SLIT3: variants seen among roughly 807,000 people sequenced by gnomAD.
SLIT3 encodes the protein slit homolog 3 protein.
SLIT3 carries 68 observed loss-of-function variants against 184.0 expected under a neutral mutation model. The ratio of observed to expected loss-of-function variants is 0.37; its 90% CI spans 0.30 to 0.45. SLIT3 has a LOEUF of 0.45. Among genes scored for constraint, SLIT3 ranks in the 20% least tolerant of loss-of-function variants. The pLI is 1.00. For synonymous variants in SLIT3, 831 were observed against 828.6 expected (o/e 1.00, Z -0.05); for missense variants, 1,707 against 2,026.0 (o/e 0.84, Z 3.02).
At chr5:169,156,332 T>C (rs868266970) in intron 4 of SLIT3, among the ~76,000 whole-genome samples, 18 of 152,208 alleles carry the variant, frequency 1.2e-4, no homozygotes, top group African/African-American at 4.3e-4. Flanking sequence ...CATGCACACG[T>C]GTACAGGGCC....
chr5:168,709,276 A>G (rs1762473974), intron 25 of SLIT3, among the ~76,000 whole-genome samples: 1 of 151,924 alleles, frequency 6.6e-6, no homozygotes, highest in South Asian at 2.1e-4. Context: ...TTGTATTTTT[A>G]GTAGAGATGG....
rs143784077 is a variant in SLIT3, at chr5:168,904,987, T to C, written c.414-21651A>G. Among the ~76,000 whole-genome samples, 752 of 152,036 alleles carry C rather than the reference T, an allele frequency of 4.9e-3. 33 individuals are homozygous for C. In the East Asian group the frequency reaches 0.099, roughly 20 times the overall value. On this transcript the variant is annotated intron_variant, in intron 4 of 35. Coordinates refer to ENST00000519560, the MANE Select transcript of SLIT3 (RefSeq NM_003062.4). Reference sequence around the variant, plus strand: ...TTTGAGACCAGCCTGGGCAACATAGTAAAACCCCATCTCTACTAAAATAAA... The same window carrying C: ...TTTGAGACCAGCCTGGGCAACATAGCAAAACCCCATCTCTACTAAAATAAA...
intron 9 of SLIT3, among the ~76,000 whole-genome samples, chr5:168,804,028 C>G (rs191157178): frequency 2.7e-5 from 4 of 150,474 alleles, no homozygotes; most frequent in African/African-American, 9.8e-5. Flanking sequence ...AAGGGGAGGG[C>G]GGGCACGGTG....
At chr5:169,041,090 C>T (rs1354553258) in intron 4 of SLIT3, among the ~76,000 whole-genome samples, 4 of 152,158 alleles carry the variant, frequency 2.6e-5, no homozygotes, top group African/African-American at 9.7e-5. Flanking sequence ...TATCATATGC[C>T]CAAACTCTGG....
chr5:169,167,498 G>T (rs868467227), intron 4 of SLIT3, among the ~76,000 whole-genome samples: 1 of 151,674 alleles, frequency 6.6e-6, no homozygotes, highest in South Asian at 2.1e-4. Context: ...GGATGGTCTC[G>T]ATCTCCTGAC....
intron 5 of SLIT3, among the ~76,000 whole-genome samples, chr5:168,858,805 C>T (rs1023267401): frequency 2.0e-5 from 3 of 152,230 alleles, no homozygotes; most frequent in Non-Finnish European, 4.4e-5. Flanking sequence ...TACTCACAGG[C>T]ATTCTTGGCA....
intron 28 of SLIT3, 53 bp downstream of exon 28, chr5:168,696,239 T>A: frequency 1.9e-6 from 3 of 1,604,098 alleles, no homozygotes; most frequent in Non-Finnish European, 2.6e-6. Context: ...AAGAAAATGG[T>A]ATTCTAGCGA....
chr5:169,202,193 C>T (rs1045361611), intron 3 of SLIT3, among the ~76,000 whole-genome samples: 7 of 152,102 alleles, frequency 4.6e-5, no homozygotes, highest in Non-Finnish European at 1.5e-5. Flanking sequence ...GATCATCCCA[C>T]TGCACTCCAG....
chr5:168,819,944 C>T (rs1757468243), intron 7 of SLIT3, among the ~76,000 whole-genome samples: 1 of 152,142 alleles, frequency 6.6e-6, no homozygotes, highest in Non-Finnish European at 1.5e-5. Flanking sequence ...CAGTGGAGTC[C>T]AGGGTGGTGA....
At chr5:169,186,208 T>A (rs1474085359) in intron 4 of SLIT3, among the ~76,000 whole-genome samples, 2 of 152,098 alleles carry the variant, frequency 1.3e-5, no homozygotes, top group Admixed American at 6.5e-5. Flanking sequence ...GCTATCAGGT[T>A]AAAATGAGGC....
intron 3 of SLIT3, among the ~76,000 whole-genome samples, chr5:169,218,971 T>G (rs1346284293): frequency 1.3e-5 from 2 of 152,234 alleles, no homozygotes; most frequent in African/African-American, 4.8e-5. Context: ...CAACAGTATG[T>G]GAACCAGATC....
chr5:168,939,050 G>A (rs368712712), intron 4 of SLIT3, among the ~76,000 whole-genome samples: 5 of 152,264 alleles, frequency 3.3e-5, no homozygotes, highest in South Asian at 2.1e-4. Flanking sequence ...TCTCATCACC[G>A]GGTACATAAA....
chr5:169,079,023 T>A (rs1758860056), intron 4 of SLIT3, among the ~76,000 whole-genome samples: 1 of 152,144 alleles, frequency 6.6e-6, no homozygotes, highest in East Asian at 1.9e-4. Context: ...GAAAAAAAAA[T>A]TGCTTCCTAA....
At chr5:168,948,902 T>C (rs1238656210) in intron 4 of SLIT3, among the ~76,000 whole-genome samples, 2 of 152,190 alleles carry the variant, frequency 1.3e-5, no homozygotes, top group Non-Finnish European at 2.9e-5. Flanking sequence ...TTTCTGGTCA[T>C]CTGCTGAGTC....
At chr5:169,166,096 C>G (rs1305638148) in intron 4 of SLIT3, among the ~76,000 whole-genome samples, 1 of 152,122 alleles carries the variant, frequency 6.6e-6, no homozygotes, top group Non-Finnish European at 1.5e-5. Context: ...GGATTTGACT[C>G]CAGAAACCAA....
Position 169,033,908 on chromosome 5 carries a change from G to A in SLIT3, c.414-150572C>T, listed in dbSNP as rs1757136485. ...GCTCACTGCAACCTCCACCTCCCGG[G>A]TTCAAGTGATTCTCCTGCCTCAGCC... is the stretch of plus-strand genomic sequence containing the variant. On this transcript the variant is annotated intron_variant, in intron 4 of 35. Transcript: ENST00000519560. Among the ~76,000 whole-genome samples the A allele has an allele frequency of 1.3e-5, 2 of 151,518 alleles. 1 individual carries two copies. Among genetic ancestry groups the A allele is most frequent in the Middle Eastern group, 6.8e-3 (2 of 294 alleles).
At chr5:169,017,012 G>A (rs887316045) in intron 4 of SLIT3, among the ~76,000 whole-genome samples, 5 of 152,106 alleles carry the variant, frequency 3.3e-5, no homozygotes, top group Admixed American at 6.6e-5. Flanking sequence ...GCTCCATACT[G>A]TGCTGTTCCT....
chr5:168,966,700 C>G lies in SLIT3; in HGVS notation c.414-83364G>C, dbSNP rs141743589. Among the ~76,000 whole-genome samples the G allele has an allele frequency of 5.3e-5, 8 of 152,282 alleles. No homozygotes were observed. In the East Asian group the frequency reaches 1.5e-3, roughly 29 times the overall value. Reference sequence around the variant, plus strand: ...CTCTAAATATCCCCCATGCCTACTCCTCTTCTGTCTGGAGAGTTGCAAGAG... The same window carrying G: ...CTCTAAATATCCCCCATGCCTACTCGTCTTCTGTCTGGAGAGTTGCAAGAG... On this transcript the variant is annotated intron_variant, in intron 4 of 35. Coordinates refer to ENST00000519560, the MANE Select transcript of SLIT3 (RefSeq NM_003062.4).
intron 2 of SLIT3, among the ~76,000 whole-genome samples, chr5:169,251,184 C>T (rs936533316): frequency 2.0e-5 from 3 of 152,186 alleles, no homozygotes; most frequent in Non-Finnish European, 4.4e-5. Context: ...GTTCTTCCAT[C>T]GATCTAGCTC....
Sources: gnomAD v4.1 joint callset for allele counts (sites outside exome capture counted in the v4.1 genomes callset) on GRCh38, gnomAD v4.1.1 for gene constraint, MANE v1.5 for transcripts, NCBI Gene and HGNC (gene_info 2026-07-23, HGNC 2026-07-21) for gene names.